The following TRAPPC9 variants were observed in gnomAD, a reference collection of about 807,000 sequenced individuals.
TRAPPC9 encodes trafficking protein particle complex subunit 9.
A neutral mutation model predicts 124.0 loss-of-function variants in TRAPPC9; 83 were observed. The ratio of observed to expected loss-of-function variants is 0.67; its 90% CI spans 0.56 to 0.80. The LOEUF is 0.80. Ranked by LOEUF, TRAPPC9 falls within the 30% of genes least tolerant of loss-of-function variation. The pLI, the probability that TRAPPC9 is intolerant of heterozygous loss-of-function variation, is 0.00. For missense variants in TRAPPC9, 1,302 were observed against 1,508.3 expected (o/e 0.86, Z 2.27); for synonymous variants, 638 against 617.5 (o/e 1.03, Z -0.49).
At position 140,370,953 on chromosome 8, in the gene TRAPPC9, G is replaced by T; in HGVS notation, c.1351+11C>A. On this transcript the variant is annotated intron_variant, in intron 8 of 22. Transcript: ENST00000438773. ...AGCAACACCTTAGCGCCAGCAAGGG[G>T]ACTCCAGTACCTCTGCTGAAATCTT... The T allele has an allele frequency of 6.2e-7, 1 of 1,613,532 alleles. No individual in the cohort carries two copies. Among genetic ancestry groups the T allele is most frequent in the Non-Finnish European group, 8.5e-7 (1 of 1,179,850 alleles).
At chr8:140,244,549 G>A (rs773381428) in intron 16 of TRAPPC9, among the ~76,000 whole-genome samples, 4 of 152,128 alleles carry the variant, frequency 2.6e-5, no homozygotes, top group Admixed American at 6.5e-5. Flanking sequence ...GTCAAGAAAC[G>A]GCAACCCAAA....
At chr8:140,014,662 T>C (rs1269579561) in intron 18 of TRAPPC9, among the ~76,000 whole-genome samples, 2 of 152,118 alleles carry the variant, frequency 1.3e-5, no homozygotes, top group Non-Finnish European at 2.9e-5. Flanking sequence ...AGCGGCAGAA[T>C]AGACACCAGA....
rs903230676 is a variant in TRAPPC9 at position 139,956,562 on chromosome 8, G to A, written c.2810+32164C>T. Among the ~76,000 whole-genome samples the A allele has an allele frequency of 5.9e-5, 9 of 152,272 alleles. 1 individual carries two copies. The highest frequency in any genetic ancestry group is 6.8e-3 in the Middle Eastern group (2 of 292). Reference sequence around the variant, plus strand: ...GACCTATTTCTCCACCCTCCACCACGGTGTCTCGTACATGGCAAATGCCTC... The same window carrying A: ...GACCTATTTCTCCACCCTCCACCACAGTGTCTCGTACATGGCAAATGCCTC... On this transcript the variant is annotated intron_variant, in intron 19 of 22. Coordinates refer to ENST00000438773, the MANE Select transcript of TRAPPC9 (RefSeq NM_001160372.4).
At chr8:140,133,803 AAATAGTATATGGAAT>A (rs941646842) in intron 17 of TRAPPC9, among the ~76,000 whole-genome samples, 2 of 152,246 alleles carry the variant, frequency 1.3e-5, no homozygotes, top group African/African-American at 4.8e-5. Context: ...ATTCCATTTA[AAATAGTATATGGAAT>A]AATACCTAGG....
chr8:140,007,143 T>C (rs536599704), intron 18 of TRAPPC9, among the ~76,000 whole-genome samples: 5 of 152,304 alleles, frequency 3.3e-5, no homozygotes, highest in South Asian at 4.1e-4. Flanking sequence ...CGCAGTGCCA[T>C]AGTTGTTGAA....
At chr8:140,432,759 C>T (rs188967585) in intron 4 of TRAPPC9, among the ~76,000 whole-genome samples, 1 of 152,120 alleles carries the variant, frequency 6.6e-6, no homozygotes, top group African/African-American at 2.4e-5. Flanking sequence ...GTAGTCCCAG[C>T]TACTCGGGAG....
intron 9 of TRAPPC9, among the ~76,000 whole-genome samples, chr8:140,326,868 G>A (rs145993983): frequency 9.9e-5 from 15 of 152,136 alleles, no homozygotes; most frequent in Non-Finnish European, 1.2e-4. Flanking sequence ...GTGACAGAGC[G>A]AGACCCTGTC....
intron 17 of TRAPPC9, among the ~76,000 whole-genome samples, chr8:140,205,631 G>A (rs912370544): frequency 1.3e-5 from 2 of 152,152 alleles, no homozygotes; most frequent in African/African-American, 4.8e-5. Context: ...AACTCAAATG[G>A]ATTAATGAGA....
At chr8:139,867,860 T>G (rs567782951) in intron 21 of TRAPPC9, among the ~76,000 whole-genome samples, 1 of 152,306 alleles carries the variant, frequency 6.6e-6, no homozygotes, top group African/African-American at 2.4e-5. Context: ...TGATTCTGCA[T>G]GAGACCCAAA....
chr8:139,870,142 T>C (rs1043632552), intron 21 of TRAPPC9, among the ~76,000 whole-genome samples: 3 of 152,184 alleles, frequency 2.0e-5, no homozygotes, highest in African/African-American at 7.2e-5. Context: ...TTTCCCTAAA[T>C]ATATGAGAAA....
chr8:139,765,602 G>A (rs1016043365), intron 21 of TRAPPC9, among the ~76,000 whole-genome samples: 1 of 152,222 alleles, frequency 6.6e-6, no homozygotes, highest in Admixed American at 6.5e-5. Flanking sequence ...CCCCATCAAG[G>A]GGCTGGGCAG....
At chr8:140,081,835 G>GCCCCTCAGTCCATATC (rs1334697434) in intron 17 of TRAPPC9, among the ~76,000 whole-genome samples, 1 of 152,096 alleles carries the variant, frequency 6.6e-6, no homozygotes, top group African/African-American at 2.4e-5. Context: ...CAGTCCATGT[G>GCCCCTCAGTCCATATC]CCCCTCAGTC....
chr8:140,091,835 T>C (rs1052694000), intron 17 of TRAPPC9, among the ~76,000 whole-genome samples: 2 of 152,156 alleles, frequency 1.3e-5, no homozygotes, highest in African/African-American at 4.8e-5. Flanking sequence ...CAGTCTCCTC[T>C]CAACTGTCGG....
rs934412397 is a variant in TRAPPC9 at position 139,731,256 on chromosome 8, G to A, written c.3280-28C>T. The A allele has an allele frequency of 7.4e-6, 12 of 1,611,298 alleles. No individual in the cohort carries two copies. The Admixed American group carries it at 1.8e-4, about 25-fold the overall frequency. On this transcript the variant is annotated intron_variant, in intron 22 of 22. Transcript: ENST00000438773. ...GAGCAGGGAGGAGAAAGACACATCA[G>A]TCTGGTCAGCAGCAGGGGCCACCCA...
intron 20 of TRAPPC9, among the ~76,000 whole-genome samples, chr8:139,902,380 G>T (rs562437426): frequency 6.6e-6 from 1 of 152,328 alleles, no homozygotes; most frequent in East Asian, 1.9e-4. Flanking sequence ...TGATGTGACG[G>T]CCTCGCTGGC....
At chr8:140,196,895 C>A (rs1251366964) in intron 17 of TRAPPC9, among the ~76,000 whole-genome samples, 1 of 152,238 alleles carries the variant, frequency 6.6e-6, no homozygotes, top group Non-Finnish European at 1.5e-5. Flanking sequence ...AAACACTCAA[C>A]GATCCACTAT....
chr8:140,157,575 G>T (rs1045502523), intron 17 of TRAPPC9, among the ~76,000 whole-genome samples: 12 of 152,276 alleles, frequency 7.9e-5, no homozygotes, highest in Admixed American at 3.9e-4. Context: ...GTCCAATCTG[G>T]GGCTAAGAAT....
intron 18 of TRAPPC9, among the ~76,000 whole-genome samples, chr8:140,001,725 G>C (rs1421648070): frequency 6.6e-6 from 1 of 152,020 alleles, no homozygotes; most frequent in Admixed American, 6.6e-5. Context: ...CCAGTTTCTT[G>C]AAAGTCACAA....
intron 18 of TRAPPC9, among the ~76,000 whole-genome samples, chr8:139,991,261 G>A (rs1162310147): frequency 2.6e-5 from 4 of 152,166 alleles, no homozygotes; most frequent in African/African-American, 7.2e-5. Flanking sequence ...CACAGAATAC[G>A]GTGCTTACGA....
Sources: allele counts gnomAD v4.1 joint callset (sites outside exome capture counted in the v4.1 genomes callset), GRCh38; gene constraint gnomAD v4.1.1; transcripts MANE v1.5; gene names NCBI Gene and HGNC (gene_info 2026-07-23, HGNC 2026-07-21).